The following GFPT2 variants were observed in gnomAD, a reference collection of about 807,000 sequenced individuals.
GFPT2 encodes the protein glutamine--fructose-6-phosphate aminotransferase [isomerizing] 2.
GFPT2 carries 62 observed loss-of-function variants against 85.6 expected under a neutral mutation model. The observed-to-expected ratio is 0.72, with a 90% CI of 0.59 to 0.90. The LOEUF (loss-of-function observed/expected upper bound fraction) is 0.90, where lower values mean the gene tolerates loss of function less well. Among genes scored for constraint, GFPT2 ranks in the 40% least tolerant of loss-of-function variants. GFPT2 has a pLI of 0.00. For synonymous variants in GFPT2, 368 were observed against 344.5 expected (o/e 1.07, Z -0.75); for missense variants, 788 against 893.4 (o/e 0.88, Z 1.50).
rs1234107272 is a variant in GFPT2 at position 180,302,459 on chromosome 5, C to G, written c.1968G>C (p.Leu656=). 2.5e-5 allele frequency: 40 copies of G among 1,613,900 alleles called. No individual in the cohort carries two copies. The highest frequency in any genetic ancestry group is 3.3e-5 in the Non-Finnish European group (39 of 1,179,958). Residue 656 remains leucine (L), a synonymous_variant, in exon 18 of 19, where the codon CTG becomes CTC. Transcript: ENST00000253778. ...QGILSVIPLQ[L]LSFHLAVLRG... ...GGAGAACAGCCAGGTGGAAGGACAGCAGCTGCAGCGGAATCACGCTCAGGA... is the reference window on the plus strand; with the variant it reads ...GGAGAACAGCCAGGTGGAAGGACAGGAGCTGCAGCGGAATCACGCTCAGGA...
intron 1 of GFPT2, among the ~76,000 whole-genome samples, chr5:180,342,008 G>C (rs1764525673): frequency 6.6e-6 from 1 of 151,970 alleles, no homozygotes; most frequent in Admixed American, 6.5e-5. Context: ...ATGAATCATG[G>C]GGGCGGCTCT....
At chr5:180,302,370 A>G in intron 18 of GFPT2, 53 bp downstream of exon 18, 3 of 1,365,964 alleles carry the variant, frequency 2.2e-6, no homozygotes, top group Non-Finnish European at 3.1e-6. Context: ...ACAGAAAGGA[A>G]CTCTGGGGTT....
intron 9 of GFPT2, among the ~76,000 whole-genome samples, chr5:180,322,357 T>C (rs528177433): frequency 1.4e-4 from 21 of 152,240 alleles, no homozygotes; most frequent in African/African-American, 4.6e-4. Flanking sequence ...TCTCTTCCTA[T>C]ATTCAAATCT....
intron 7 of GFPT2, among the ~76,000 whole-genome samples, chr5:180,325,540 C>T (rs979048953): frequency 3.9e-5 from 6 of 152,244 alleles, no homozygotes; most frequent in African/African-American, 1.4e-4. Context: ...AGGACAATAA[C>T]TGTCACAGGC....
At chr5:180,339,447 G>A (rs1415201388) in intron 1 of GFPT2, among the ~76,000 whole-genome samples, 1 of 151,388 alleles carries the variant, frequency 6.6e-6, no homozygotes, top group Admixed American at 6.6e-5. Flanking sequence ...ATGCCCCTTG[G>A]CCCCTGCAGA....
chr5:180,309,394 G>C (rs1189732655), intron 15 of GFPT2, among the ~76,000 whole-genome samples: 1 of 152,202 alleles, frequency 6.6e-6, no homozygotes, highest in African/African-American at 2.4e-5. Context: ...CTTGAGACAA[G>C]CATCACACTT....
rs562341947 is a variant in GFPT2 at position 180,311,727 on chromosome 5, T to A, written c.1546+703A>T. 2.8e-3 allele frequency among the ~76,000 whole-genome samples: 426 copies of A among 151,794 alleles called. 1 individual carries two copies. The highest frequency in any genetic ancestry group is 6.8e-3 in the Middle Eastern group (2 of 294). On this transcript the variant is annotated intron_variant, in intron 15 of 18. Coordinates refer to ENST00000253778, the MANE Select transcript of GFPT2 (RefSeq NM_005110.4). Reference sequence around the variant, plus strand: ...CAACAGGTGAACAGGGAATTTCAGGTCATGAGGTGTGTTATGAAAAAAATA... The same window carrying A: ...CAACAGGTGAACAGGGAATTTCAGGACATGAGGTGTGTTATGAAAAAAATA...
chr5:180,334,000 C>T (rs992728829), intron 4 of GFPT2, among the ~76,000 whole-genome samples: 1 of 152,192 alleles, frequency 6.6e-6, no homozygotes, highest in Non-Finnish European at 1.5e-5. Context: ...TCGGCCAGCA[C>T]GACTGCCCCA....
At chr5:180,352,290 G>A in intron 1 of GFPT2, 1 of 394,124 alleles carries the variant, frequency 2.5e-6, no homozygotes, top group Admixed American at 3.4e-5. Flanking sequence ...AGTTCCTCCA[G>A]GTCCTCCAGC....
chr5:180,315,455 G>GCACAGGGTAGCCAT (rs1319948025), intron 13 of GFPT2, among the ~76,000 whole-genome samples: 1 of 152,188 alleles, frequency 6.6e-6, no homozygotes, highest in Non-Finnish European at 1.5e-5. Context: ...TGGGATTACA[G>GCACAGGGTAGCCAT]GCGTGAGCCA....
At chr5:180,352,550 C>T (rs1004140653) in intron 1 of GFPT2, 1 of 447,118 alleles carries the variant, frequency 2.2e-6, no homozygotes, top group Non-Finnish European at 4.5e-6. Flanking sequence ...CTCCCCGCCC[C>T]GGACTCCCTC....
intron 1 of GFPT2, among the ~76,000 whole-genome samples, chr5:180,345,200 C>T (rs573103028): frequency 5.4e-4 from 82 of 152,372 alleles, no homozygotes; most frequent in African/African-American, 1.7e-3. Flanking sequence ...GGAAATAGTA[C>T]CATTTACTGT....
intron 4 of GFPT2, 32 bp from the exon 5 acceptor site, chr5:180,331,585 GAGA>G (rs775724138): frequency 3.2e-6 from 4 of 1,262,130 alleles, no homozygotes; most frequent in Non-Finnish European, 4.7e-6. Flanking sequence ...AAATGCTATT[GAGA>G]AGGAGGTTCA....
Position 180,306,961 on chromosome 5 carries a change from T to A in GFPT2, c.1674+215A>T, listed in dbSNP as rs191427641. 7.6e-3 allele frequency among the ~76,000 whole-genome samples: 1,151 copies of A among 152,276 alleles called. 8 individuals are homozygous for A. The highest frequency in any genetic ancestry group is 0.026 in the African/African-American group (1,090 of 41,558). On this transcript the variant is annotated intron_variant, in intron 16 of 18. Transcript: ENST00000253778. ...CCTTTCTCCTCAGTAGATTGGGAGA[T>A]CCCTGGGGGCAGGCACCTGCCTCAC...
intron 17 of GFPT2, among the ~76,000 whole-genome samples, chr5:180,304,252 C>T (rs1258827285): frequency 6.6e-6 from 1 of 152,206 alleles, no homozygotes; most frequent in Non-Finnish European, 1.5e-5. Flanking sequence ...ATATAGTCAT[C>T]TCCTGAGTTC....
intron 8 of GFPT2, chr5:180,324,558 C>T (rs1014090522): frequency 1.0e-4 from 61 of 585,356 alleles, no homozygotes; most frequent in East Asian, 3.9e-4. Context: ...GCCCAGTTGC[C>T]GTTATACAAT....
chr5:180,310,878 G>C (rs1268222056), intron 15 of GFPT2, among the ~76,000 whole-genome samples: 1 of 118,030 alleles, frequency 8.5e-6, no homozygotes, highest in African/African-American at 3.2e-5. Context: ...TTAGTATAAA[G>C]AATGTATTAC....
intron 1 of GFPT2, among the ~76,000 whole-genome samples, chr5:180,341,750 T>C (rs555876592): frequency 2.6e-5 from 4 of 152,328 alleles, no homozygotes; most frequent in South Asian, 4.1e-4. Context: ...ATGTATGGGC[T>C]GTGTGTGCAG....
chr5:180,348,818 T>TGCAACCTC (rs1764658727), intron 1 of GFPT2, among the ~76,000 whole-genome samples: 1 of 151,574 alleles, frequency 6.6e-6, no homozygotes, highest in African/African-American at 2.4e-5. Flanking sequence ...CTCGGCTCAC[T>TGCAACCTC]GCAACCTCTG....
Sources: gnomAD v4.1 joint callset for allele counts (sites outside exome capture counted in the v4.1 genomes callset) on GRCh38, gnomAD v4.1.1 for gene constraint, MANE v1.5 for transcripts, NCBI Gene and HGNC (gene_info 2026-07-23, HGNC 2026-07-21) for gene names.